Variants in AFTPH observed in about 807,000 individuals in gnomAD.
AFTPH encodes the protein aftiphilin protein.
In AFTPH, 7 loss-of-function variants were observed where a neutral mutation model predicts 72.5. That is an observed-to-expected ratio of 0.10 (90% confidence interval 0.05 to 0.18). The LOEUF is 0.18. AFTPH is among the 10% of genes least tolerant of loss of function. The pLI, the probability that AFTPH is intolerant of heterozygous loss-of-function variation, is 1.00. For synonymous variants in AFTPH, 337 were observed against 370.1 expected, an observed-to-expected ratio of 0.91 and a Z score of 1.03; for missense variants, 979 against 1,060.5, an observed-to-expected ratio of 0.92 and a Z score of 1.07.
intron 1 of AFTPH, among the ~76,000 whole-genome samples, chr2:64,529,429 G>A (rs1669471319): frequency 1.4e-5 from 2 of 147,214 alleles, no homozygotes; most frequent in Non-Finnish European, 3.0e-5. Flanking sequence ...CATTATTTTT[G>A]CTGTTCTCTT....
chr2:64,581,363 G>C (rs904244764), intron 7 of AFTPH, 90 bp downstream of exon 8: 2 of 1,018,498 alleles, frequency 2.0e-6, no homozygotes, highest in Non-Finnish European at 2.8e-6. Context: ...GAAACAAGTA[G>C]ATTGTATTCT....
chr2:64,579,142 T>G, intron 6 of AFTPH: 1 of 183,604 alleles, frequency 5.4e-6, no homozygotes, highest in Non-Finnish European at 1.1e-5. Flanking sequence ...TTTTATACCA[T>G]GTTTTAATTT....
chr2:64,584,512 T>C (rs771458849), intron 7 of AFTPH, among the ~76,000 whole-genome samples: 3 of 152,124 alleles, frequency 2.0e-5, no homozygotes, highest in South Asian at 2.1e-4. Context: ...ACTCACCTTT[T>C]CTGAAAATCT....
chr2:64,524,727 C>G, intron 1 of AFTPH, 115 bp downstream of exon 1: 1 of 374,792 alleles, frequency 2.7e-6, no homozygotes, highest in Non-Finnish European at 4.7e-6. Flanking sequence ...CGCCGCGGAG[C>G]CGGGAGCTGT....
Position 64,554,597 on chromosome 2 carries a change from G to C in AFTPH, c.1935+1188G>C, listed in dbSNP as rs1156767442. ...GACAGTAAGATATTAGAGAAATTATGGTATTACCAGTTGGTGTGCATAGCT... is the reference window on the plus strand; with the variant it reads ...GACAGTAAGATATTAGAGAAATTATCGTATTACCAGTTGGTGTGCATAGCT... On this transcript the variant is annotated intron_variant, in intron 2 of 8. Transcript: ENST00000238856. Among the ~76,000 whole-genome samples the C allele has an allele frequency of 2.0e-5, 3 of 152,166 alleles. No homozygotes were observed. The East Asian group carries it at 5.8e-4, about 29-fold the overall frequency.
intron 1 of AFTPH, among the ~76,000 whole-genome samples, chr2:64,530,780 G>A (rs369761491): frequency 1.2e-3 from 181 of 151,978 alleles, no homozygotes; most frequent in African/African-American, 4.1e-3. Context: ...CATGCTTTTT[G>A]GCTGGGTGTG....
intron 6 of AFTPH, among the ~76,000 whole-genome samples, chr2:64,574,186 CAT>C (rs1672633199): frequency 2.0e-5 from 3 of 152,272 alleles, no homozygotes; most frequent in South Asian, 2.1e-4. Flanking sequence ...ATTTCTAAAA[CAT>C]ATTCTTGCCA....
chr2:64,571,941 C>T (rs990904940), intron 5 of AFTPH, among the ~76,000 whole-genome samples: 3 of 152,022 alleles, frequency 2.0e-5, no homozygotes, highest in African/African-American at 7.2e-5. Flanking sequence ...TTAGGCCGGG[C>T]GTGGTGGCTC....
chr2:64,562,338 C>CT (rs776199844), intron 2 of AFTPH, among the ~76,000 whole-genome samples: 1,281 of 126,406 alleles, frequency 0.01, 16 homozygotes, highest in African/African-American at 0.027. Context: ...AGGCGAAGTG[C>CT]TTTTTTTTTT....
chr2:64,591,983 TC>T lies in AFTPH; in HGVS notation c.2681del (p.Pro894GlnfsTer4). ...TTCATGCATGCCAAGGTGTTGATGT[TC>T]CCAGCCACGTTAACACCTTCCACAA... is the stretch of plus-strand genomic sequence containing the variant. On this transcript the variant is annotated frameshift_variant, in exon 9 of 9. Coordinates refer to ENST00000238856, the Ensembl canonical transcript of AFTPH. LOFTEE classifies it high-confidence loss of function. 2 of 1,613,976 alleles carry T rather than the reference TC, an allele frequency of 1.2e-6. No individual in the cohort carries two copies. The highest frequency in any genetic ancestry group is 1.7e-6 in the Non-Finnish European group (2 of 1,179,962).
Position 64,553,420 on chromosome 2 carries a change from A to G in AFTPH, c.1935+11A>G. The G allele has an allele frequency of 6.5e-7, 1 of 1,539,720 alleles. No individual in the cohort carries two copies. The highest frequency in any genetic ancestry group is 1.3e-5 in the South Asian group (1 of 78,374). On this transcript the variant is annotated intron_variant, in intron 2 of 8. Transcript: ENST00000238856. The stretch of plus-strand genomic sequence containing the variant: ...GCCACTTCAGTTCAGGTATTTACTA[A>G]TTTTCTCTATTTTGTATGATGTATT...
chr2:64,582,240 G>A (rs1441159782), intron 7 of AFTPH, among the ~76,000 whole-genome samples: 1 of 152,114 alleles, frequency 6.6e-6, no homozygotes, highest in Non-Finnish European at 1.5e-5. Context: ...GAATTCACTG[G>A]TTTTGTGCTA....
chr2:64,562,315 C>A (rs554873295), intron 2 of AFTPH, among the ~76,000 whole-genome samples: 1 of 149,184 alleles, frequency 6.7e-6, no homozygotes, highest in Admixed American at 6.7e-5. Context: ...ATGCCCCCTG[C>A]AGTCCTAAAT....
At chr2:64,529,211 T>G (rs1312379437) in intron 1 of AFTPH, among the ~76,000 whole-genome samples, 1 of 152,248 alleles carries the variant, frequency 6.6e-6, no homozygotes, top group Non-Finnish European at 1.5e-5. Context: ...TATTTTATTA[T>G]GTGTCTTACT....
At chr2:64,536,566 TAAAAAAAAAAAA>T (rs142981388) in intron 1 of AFTPH, among the ~76,000 whole-genome samples, 1 of 107,644 alleles carries the variant, frequency 9.3e-6, no homozygotes, top group Non-Finnish European at 2.0e-5. Flanking sequence ...GACTCCATCT[TAAAAAAAAAAAA>T]AAAAAAAAAA....
rs558637961 is a variant in AFTPH, at chr2:64,568,204, C to T, written c.2087+491C>T. Among the ~76,000 whole-genome samples the T allele has an allele frequency of 2.6e-5, 4 of 151,984 alleles. No individual in the cohort carries two copies. The South Asian group carries it at 8.3e-4, about 32-fold the overall frequency. ...TGAAAACTGAAAATTTAGATTTTAC[C>T]TCTGCTATTCTCCTCCCCTCATCTT... On this transcript the variant is annotated intron_variant, in intron 3 of 8. Coordinates refer to ENST00000238856, the Ensembl canonical transcript of AFTPH.
chr2:64,533,100 T>C (rs1357942422), intron 1 of AFTPH, among the ~76,000 whole-genome samples: 1 of 152,126 alleles, frequency 6.6e-6, no homozygotes, highest in Non-Finnish European at 1.5e-5. Flanking sequence ...ATGTTTCTGC[T>C]GTATTAATAG....
chr2:64,567,609 T>C (rs774078474), exon 3 of AFTPH: 1 of 1,613,812 alleles, frequency 6.2e-7, no homozygotes, highest in East Asian at 2.2e-5. Flanking sequence ...CATGTTTTCC[T>C]TCCATACTTG....
At chr2:64,550,731 A>ACACACACACACAC in intron 1 of AFTPH, among the ~76,000 whole-genome samples, 8 of 146,798 alleles carry the variant, frequency 5.4e-5, no homozygotes, top group Non-Finnish European at 7.5e-5. Context: ...ACACACACAC[A>ACACACACACACAC]ACTGGTGAAA....
Sources: gnomAD v4.1 joint callset for allele counts (sites outside exome capture counted in the v4.1 genomes callset) on GRCh38, gnomAD v4.1.1 for gene constraint, MANE v1.5 for transcripts, NCBI Gene and HGNC (gene_info 2026-07-23, HGNC 2026-07-21) for gene names.